The following SPATA9 variants were observed in gnomAD, a reference collection of about 807,000 sequenced individuals.
SPATA9 encodes spermatogenesis associated 9, also known as spermatogenesis-associated protein 9.
SPATA9 carries 27 observed loss-of-function variants against 25.5 expected under a neutral mutation model. That is an observed-to-expected ratio of 1.06 (90% CI 0.78 to 1.46). The LOEUF is 1.46. Among genes scored for constraint, SPATA9 ranks in the 40% most tolerant of loss-of-function variants. The pLI is 0.00. For synonymous variants in SPATA9, 102 were observed against 105.7 expected, an observed-to-expected ratio of 0.97 and a Z score of 0.21; for missense variants, 282 against 297.5, an observed-to-expected ratio of 0.95 and a Z score of 0.38.
intron 1 of SPATA9, among the ~76,000 whole-genome samples, chr5:95,691,133 G>T (rs982407737): frequency 6.6e-6 from 1 of 151,482 alleles, no homozygotes; most frequent in African/African-American, 2.4e-5. Context: ...GGAGAACGGC[G>T]TGAACCCGGG....
At chr5:95,679,648 C>T (rs1361950054) in intron 2 of SPATA9, among the ~76,000 whole-genome samples, 1 of 152,094 alleles carries the variant, frequency 6.6e-6, no homozygotes, top group Admixed American at 6.5e-5. Flanking sequence ...GACACTAAGG[C>T]CAACCTTCCA....
At position 95,675,554 on chromosome 5, in the gene SPATA9, A is replaced by G. The variant is rs1223623085; in HGVS notation, c.236T>C (p.Leu79Ser). 4 of 1,614,044 alleles carry G rather than the reference A, an allele frequency of 2.5e-6. No homozygotes were observed. The highest frequency in any genetic ancestry group is 3.4e-6 in the Non-Finnish European group (4 of 1,180,026). The stretch of plus-strand genomic sequence containing the variant: ...TTTGGAGGATCTGGATATGCTGTTT[A>G]ATCCACGAATTAATGTTGCTCGATT... Reference protein sequence around the residue: ...KINRATLIRGLNSISRSSKSV... With the variant: ...KINRATLIRGSNSISRSSKSV... The change falls in exon 3 of 5, where the codon TTA becomes TCA. Residue 79 changes from leucine to serine, a missense_variant. By Grantham distance (145) the Leu-to-Ser change is moderately radical. Coordinates refer to ENST00000274432, the MANE Select transcript of SPATA9 (RefSeq NM_031952.4).
the SPATA9 span, among the ~76,000 whole-genome samples, chr5:95,718,914 GT>G: frequency 6.6e-6 from 1 of 152,204 alleles, no homozygotes; most frequent in African/African-American, 2.4e-5. Context: ...TGGAAACAGG[GT>G]AGAAGGCTGC....
chr5:95,716,789 A>T, the SPATA9 span, among the ~76,000 whole-genome samples: 1 of 152,156 alleles, frequency 6.6e-6, no homozygotes, highest in Non-Finnish European at 1.5e-5. Flanking sequence ...GTGTCATGAG[A>T]GGGACCCAGT....
At chr5:95,704,006 A>C in the SPATA9 span, among the ~76,000 whole-genome samples, 1 of 152,176 alleles carries the variant, frequency 6.6e-6, no homozygotes, top group East Asian at 1.9e-4. Context: ...AACACTGACA[A>C]ACGTGCATGC....
At chr5:95,689,153 C>T (rs551493312) in intron 1 of SPATA9, among the ~76,000 whole-genome samples, 9 of 152,284 alleles carry the variant, frequency 5.9e-5, no homozygotes, top group South Asian at 4.1e-4. Flanking sequence ...CCCAACAACA[C>T]GATATGAGAT....
intron 1 of SPATA9, among the ~76,000 whole-genome samples, chr5:95,696,513 A>G (rs1754025703): frequency 6.6e-6 from 1 of 152,210 alleles, no homozygotes; most frequent in Non-Finnish European, 1.5e-5. Flanking sequence ...ATGTAATTGT[A>G]AAAGAAAGGA....
rs1311736468 is a variant in SPATA9 at position 95,675,392 on chromosome 5, C to T, written c.378+20G>A. The T allele has an allele frequency of 1.3e-6, 2 of 1,580,766 alleles. No individual in the cohort carries two copies. Among genetic ancestry groups the T allele is most frequent in the East Asian group, 4.5e-5 (2 of 44,624 alleles). On this transcript the variant is annotated intron_variant, in intron 3 of 4. Transcript: ENST00000274432. ...AGTTTCTTAAAAAAGGGGAATTGTG[C>T]ATATGCAGTATTCCCTTACCTGAAT...
downstream of SPATA9, chr5:95,656,563 T>A (rs1750777770): frequency 3.7e-6 from 1 of 270,186 alleles, no homozygotes; most frequent in African/African-American, 2.2e-5. Context: ...ATGTTCTGTT[T>A]AAGAAGGATA....
downstream of SPATA9, chr5:95,656,110 GAGA>G (rs1243799434): frequency 6.2e-7 from 1 of 1,613,710 alleles, no homozygotes; most frequent in Admixed American, 1.7e-5. Flanking sequence ...TTGGCAACAG[GAGA>G]AGGTCTGTAC....
chr5:95,709,805 G>A, the SPATA9 span, among the ~76,000 whole-genome samples: 2 of 152,070 alleles, frequency 1.3e-5, no homozygotes, highest in African/African-American at 2.4e-5. Flanking sequence ...AAGTTTTTTC[G>A]GAGACAGTGG....
chr5:95,684,168 G>A (rs957702358), upstream of SPATA9, among the ~76,000 whole-genome samples: 1 of 152,082 alleles, frequency 6.6e-6, no homozygotes, highest in African/African-American at 2.4e-5. Context: ...AGATAACTAT[G>A]CCCTTAACAT....
At chr5:95,687,762 T>C (rs1753784047), upstream of SPATA9, among the ~76,000 whole-genome samples, 3 of 152,202 alleles carry the variant, frequency 2.0e-5, no homozygotes, top group South Asian at 6.2e-4. Context: ...GAGAGTTGGT[T>C]AGATGGTAGG....
the SPATA9 span, among the ~76,000 whole-genome samples, chr5:95,719,166 T>C: frequency 6.6e-6 from 1 of 152,052 alleles, no homozygotes; most frequent in Non-Finnish European, 1.5e-5. Flanking sequence ...TAATGAACAA[T>C]GTGTGTGTTG....
downstream of SPATA9, chr5:95,657,381 A>G (rs1224898895): frequency 1.3e-5 from 2 of 151,884 alleles, no homozygotes; most frequent in Non-Finnish European, 2.9e-5. Context: ...AATCAGCAGC[A>G]CATAGTGGTG....
the SPATA9 span, among the ~76,000 whole-genome samples, chr5:95,729,589 G>A: frequency 1.1e-4 from 16 of 152,138 alleles, no homozygotes; most frequent in African/African-American, 3.4e-4. Flanking sequence ...AGTATAGTAC[G>A]AACTATATAT....
intron 1 of SPATA9, among the ~76,000 whole-genome samples, chr5:95,694,266 A>G (rs1753958470): frequency 6.6e-6 from 1 of 152,238 alleles, no homozygotes; most frequent in East Asian, 1.9e-4. Context: ...TCTTAGATTT[A>G]TCTACTTAGA....
intron 2 of SPATA9, 52 bp from the exon 3 acceptor site, chr5:95,675,691 T>C (rs751931660): frequency 9.5e-6 from 14 of 1,476,356 alleles, no homozygotes; most frequent in South Asian, 1.2e-5. Context: ...CAGTGCATTA[T>C]TAAAACTACT....
At chr5:95,654,737 A>T (rs1386342952), downstream of SPATA9, among the ~76,000 whole-genome samples, 1 of 152,188 alleles carries the variant, frequency 6.6e-6, no homozygotes, top group Non-Finnish European at 1.5e-5. Flanking sequence ...AGGCAGATCT[A>T]TATGGGTATG....
Sources: allele counts gnomAD v4.1 joint callset (sites outside exome capture counted in the v4.1 genomes callset), GRCh38; gene constraint gnomAD v4.1.1; transcripts MANE v1.5; gene names NCBI Gene and HGNC (gene_info 2026-07-23, HGNC 2026-07-21).